The following HACD4 variants were observed in gnomAD, a reference collection of about 807,000 sequenced individuals.
HACD4 encodes 3-hydroxyacyl-CoA dehydratase 4, also known as very-long-chain (3R)-3-hydroxyacyl-CoA dehydratase 4.
In HACD4, 35 loss-of-function variants were observed where a neutral mutation model predicts 33.3. The observed-to-expected ratio is 1.05, with a 90% confidence interval of 0.80 to 1.39. HACD4 has a LOEUF of 1.39. Ranked by LOEUF, HACD4 falls within the 40% of genes most tolerant of loss-of-function variation. The probability of loss-of-function intolerance (pLI) is 0.00; values close to 1 mark genes in which losing one functional copy is unlikely to be tolerated. For synonymous variants in HACD4, 118 were observed against 98.0 expected, an observed-to-expected ratio of 1.20 and a Z score of -1.21; for missense variants, 323 against 276.5, an observed-to-expected ratio of 1.17 and a Z score of -1.19.
intron 2 of HACD4, 59 bp downstream of exon 2, chr9:21,029,236 G>A (rs1333717571): frequency 2.1e-6 from 2 of 935,932 alleles, no homozygotes; most frequent in Non-Finnish European, 3.4e-6. Context: ...AATATAAGCA[G>A]GATGAGGTGA....
intron 4 of HACD4, 173 bp downstream of exon 4, chr9:21,015,725 G>C (rs1005463749): frequency 4.4e-5 from 21 of 480,984 alleles, no homozygotes; most frequent in South Asian, 3.2e-4. Context: ...CATTATCTTT[G>C]ATATGCCCAT....
Position 21,001,651 on chromosome 9 carries a change from A to G in HACD4, c.*5386T>C, listed in dbSNP as rs1162786222. On this transcript the variant is annotated 3_prime_UTR_variant, in exon 7 of 7. Coordinates refer to ENST00000495827, the MANE Select transcript of HACD4 (RefSeq NM_001010915.5). Reference sequence around the variant, plus strand: ...AAAATCAATTCATCACATATAAGTGATCCTTAATAAGATTATCAGATTTCT... The same window carrying G: ...AAAATCAATTCATCACATATAAGTGGTCCTTAATAAGATTATCAGATTTCT... 1 of 152,150 alleles carries G rather than the reference A, an allele frequency of 6.6e-6. No homozygotes were observed. The highest frequency in any genetic ancestry group is 1.5e-5 in the Non-Finnish European group (1 of 67,980). 9.4% of individuals were successfully genotyped at this position (152,150 alleles called of 1,614,324 possible). A position where few individuals can be genotyped will look rare whatever the true frequency, so the allele number is the denominator to read the frequency against.
intron 1 of HACD4, 75 bp downstream of exon 1, chr9:21,031,478 G>A (rs767313781): frequency 4.6e-6 from 6 of 1,311,896 alleles, no homozygotes; most frequent in Non-Finnish European, 5.9e-6. Context: ...CCGCCCGCCC[G>A]CCGCAGAGGG....
In HACD4 at chr9:21,005,109, T is replaced by C. The variant is rs951344380; in HGVS notation, c.*1928A>G. 6.6e-6 allele frequency: 1 copy of C among 152,230 alleles called. No individual in the cohort carries two copies. Among genetic ancestry groups the C allele is most frequent in the African/African-American group, 2.4e-5 (1 of 41,464 alleles). The allele number at this position is 152,230 out of a possible 1,614,324, so 9.4% of individuals were successfully genotyped here. ...AAACTGGAAGAAAGGTGATCTTTGT[T>C]ATAATATGCCAAAGAACTTGGATGA... On this transcript the variant is annotated 3_prime_UTR_variant, in exon 7 of 7. Coordinates refer to ENST00000495827, the MANE Select transcript of HACD4 (RefSeq NM_001010915.5). This position sits in a 1 kb window ranked among gnomAD's most constrained non-coding sequence, Gnocchi z 4.0.
chr9:21,011,223 T>A (rs972544045), intron 5 of HACD4, among the ~76,000 whole-genome samples: 2 of 152,150 alleles, frequency 1.3e-5, no homozygotes, highest in African/African-American at 4.8e-5. Context: ...TGGGAAAGAC[T>A]CACCAGAGGG....
Position 21,006,939 on chromosome 9 carries a change from A to T in HACD4, c.*98T>A, listed in dbSNP as rs1054277960. On this transcript the variant is annotated 3_prime_UTR_variant, in exon 7 of 7. Coordinates refer to ENST00000495827, the MANE Select transcript of HACD4 (RefSeq NM_001010915.5). The surrounding 1 kb of genome is among the most constrained non-coding windows in gnomAD (Gnocchi z 4.6). The stretch of plus-strand genomic sequence containing the variant: ...TATTTCATGTAATGGATTTTTATCA[A>T]ATACAAGGTATTTTTCCACCAGAAT... 1.3e-6 allele frequency: 1 copy of T among 781,510 alleles called. No individual in the cohort carries two copies. Among genetic ancestry groups the T allele is most frequent in the Non-Finnish European group, 2.3e-6 (1 of 434,930 alleles). 48.4% of individuals were successfully genotyped at this position (781,510 alleles called of 1,614,324 possible). A position where few individuals can be genotyped will look rare whatever the true frequency, so the allele number is the denominator to read the frequency against.
intron 5 of HACD4, among the ~76,000 whole-genome samples, chr9:21,009,672 G>A (rs146585493): frequency 5.6e-4 from 85 of 152,120 alleles, no homozygotes; most frequent in African/African-American, 2.0e-3. Flanking sequence ...CTTACTTTTC[G>A]TGGTGAGATT....
At chr9:21,027,414 C>G (rs1334294224) in intron 2 of HACD4, among the ~76,000 whole-genome samples, 1 of 152,170 alleles carries the variant, frequency 6.6e-6, no homozygotes, top group East Asian at 1.9e-4. Context: ...AAAATGAAAT[C>G]CTGCCATGTT....
At chr9:21,008,214 C>A in intron 5 of HACD4, 68 bp from the exon 6 acceptor site, 1 of 1,276,780 alleles carries the variant, frequency 7.8e-7, no homozygotes. Flanking sequence ...GTATATATGT[C>A]TTCATAGTTG....
chr9:21,026,058 A>C (rs1267750994), intron 3 of HACD4, among the ~76,000 whole-genome samples: 1 of 152,168 alleles, frequency 6.6e-6, no homozygotes, highest in Admixed American at 6.5e-5. Flanking sequence ...CTTTCCATTG[A>C]CGTTTAGTAA....
intron 3 of HACD4, among the ~76,000 whole-genome samples, chr9:21,022,790 C>A (rs1367521518): frequency 1.3e-5 from 2 of 151,968 alleles, no homozygotes; most frequent in Admixed American, 1.3e-4. Context: ...CTAGTTCAAC[C>A]GTTGTGGAAG....
chr9:21,031,387 A>G, intron 1 of HACD4, 166 bp downstream of exon 1: 1 of 893,776 alleles, frequency 1.1e-6, no homozygotes, highest in South Asian at 5.1e-5. Flanking sequence ...AAGAGGGGTA[A>G]GTTAGCAAAT....
chr9:21,016,529 A>G (rs1247870588), intron 3 of HACD4, among the ~76,000 whole-genome samples: 3 of 152,188 alleles, frequency 2.0e-5, no homozygotes, highest in Non-Finnish European at 2.9e-5. Flanking sequence ...TGAAAAATGA[A>G]TAAGAGTTTG....
rs1460477502 is a variant in HACD4, at chr9:21,005,894, AC to A, written c.*1142del. 2.0e-5 allele frequency: 3 copies of A among 152,094 alleles called. No individual in the cohort carries two copies. Among genetic ancestry groups the A allele is most frequent in the Non-Finnish European group, 4.4e-5 (3 of 68,018 alleles). The allele number at this position is 152,094 out of a possible 1,614,324, so 9.4% of individuals were successfully genotyped here. ...TCTTGCTTTGGGAATAGGAATGTCC[AC>A]CCTTTGTGTGTCCCACCATTGTACT... On this transcript the variant is annotated 3_prime_UTR_variant, in exon 7 of 7. Coordinates refer to ENST00000495827, the MANE Select transcript of HACD4 (RefSeq NM_001010915.5). This position sits in a 1 kb window ranked among gnomAD's most constrained non-coding sequence, Gnocchi z 4.0.
rs148924949 is a variant in HACD4, at chr9:21,003,311, G to A, written c.*3726C>T. On this transcript the variant is annotated 3_prime_UTR_variant, in exon 7 of 7. Transcript: ENST00000495827. ...ATTTATTATAATGACCCAGTAAAGT[G>A]TAGTTTCTCTAATTTTCTCTTTGTT... 2 of 152,126 alleles carry A rather than the reference G, an allele frequency of 1.3e-5. No homozygotes were observed. The highest frequency in any genetic ancestry group is 1.3e-4 in the Admixed American group (2 of 15,294). The allele number at this position is 152,126 out of a possible 1,614,324, so 9.4% of individuals were successfully genotyped here.
Position 21,007,011 on chromosome 9 carries a change from C to G in HACD4, c.*26G>C, listed in dbSNP as rs763937381. Reference sequence around the variant, plus strand: ...GCACTGAATCCACAGCCTGTCTTTTCTCGTGTCACACTGGAATGCTGTACT... The same window carrying G: ...GCACTGAATCCACAGCCTGTCTTTTGTCGTGTCACACTGGAATGCTGTACT... On this transcript the variant is annotated 3_prime_UTR_variant, in exon 7 of 7. Transcript: ENST00000495827. The G allele has an allele frequency of 2.3e-6, 3 of 1,292,698 alleles. No homozygotes were observed. The highest frequency in any genetic ancestry group is 2.3e-5 in the East Asian group (1 of 43,384). 80.1% of individuals were successfully genotyped at this position (1,292,698 alleles called of 1,614,324 possible). A position where few individuals can be genotyped will look rare whatever the true frequency, so the allele number is the denominator to read the frequency against.
chr9:21,019,863 A>G (rs1405609154), intron 3 of HACD4, among the ~76,000 whole-genome samples: 1 of 93,442 alleles, frequency 1.1e-5, no homozygotes, highest in East Asian at 2.6e-4. Context: ...TTTAATGGAA[A>G]GTCAGATTAT....
In HACD4 at chr9:20,999,729, C is replaced by G. The variant is rs1415598982; in HGVS notation, c.*7308G>C. 2 of 152,136 alleles carry G rather than the reference C, an allele frequency of 1.3e-5. No homozygotes were observed. Among genetic ancestry groups the G allele is most frequent in the African/African-American group, 4.8e-5 (2 of 41,434 alleles). 9.4% of individuals were successfully genotyped at this position (152,136 alleles called of 1,614,324 possible). On this transcript the variant is annotated 3_prime_UTR_variant, in exon 7 of 7. Coordinates refer to ENST00000495827, the MANE Select transcript of HACD4 (RefSeq NM_001010915.5). Reference sequence around the variant, plus strand: ...TATTTCTAGATGTAGTAGTGGCGTTCTTTAAAGATAGAGTTGCACACACAA... The same window carrying G: ...TATTTCTAGATGTAGTAGTGGCGTTGTTTAAAGATAGAGTTGCACACACAA...
intron 1 of HACD4, among the ~76,000 whole-genome samples, chr9:21,031,189 G>A (rs1411322673): frequency 1.3e-5 from 2 of 152,106 alleles, no homozygotes; most frequent in African/African-American, 4.8e-5. Context: ...ACGTGTGATA[G>A]GTGTTTCCAC....
Sources: allele counts gnomAD v4.1 joint callset (sites outside exome capture counted in the v4.1 genomes callset), GRCh38; gene constraint gnomAD v4.1.1; non-coding constraint Gnocchi (gnomAD v3.1); transcripts MANE v1.5; gene names NCBI Gene and HGNC (gene_info 2026-07-23, HGNC 2026-07-21).